The following COX7B2 variants were observed in gnomAD, a reference collection of about 807,000 sequenced individuals.
COX7B2 encodes the protein cytochrome c oxidase subunit 7B2, also known as cytochrome c oxidase subunit 7B2, mitochondrial.
For missense variants in COX7B2, 109 were observed against 95.9 expected (o/e 1.14, Z -0.57); for synonymous variants, 37 against 32.1 (o/e 1.15, Z -0.51).
intron 2 of COX7B2, among the ~76,000 whole-genome samples, chr4:46,818,148 G>C (rs1437961825): frequency 6.6e-6 from 1 of 152,160 alleles, no homozygotes; most frequent in Non-Finnish European, 1.5e-5. Flanking sequence ...TAAAGGAAAA[G>C]ATAATATGTC....
chr4:46,749,684 G>A (rs375968111), intron 2 of COX7B2, among the ~76,000 whole-genome samples: 1 of 152,302 alleles, frequency 6.6e-6, no homozygotes, highest in African/African-American at 2.4e-5. Context: ...ATAAACCAGA[G>A]GGTGTGTTAA....
chr4:46,853,057 T>C (rs1439425480), intron 1 of COX7B2, among the ~76,000 whole-genome samples: 1 of 152,160 alleles, frequency 6.6e-6, no homozygotes, highest in Non-Finnish European at 1.5e-5. Flanking sequence ...GTATTAAATG[T>C]CTTTAACTAG....
Position 46,762,738 on chromosome 4 carries a change from G to A in COX7B2, c.-49-27497C>T, listed in dbSNP as rs556134992. 2.0e-5 allele frequency among the ~76,000 whole-genome samples: 3 copies of A among 146,996 alleles called. No individual in the cohort carries two copies. The South Asian group carries it at 6.3e-4, about 31-fold the overall frequency. On this transcript the variant is annotated intron_variant, in intron 2 of 2. Transcript: ENST00000355591. ...GTACTACTCTTGTTAAATCTATTAT[G>A]AGCCATTTCTGTTTAGACTACAATA... is the stretch of plus-strand genomic sequence containing the variant.
chr4:46,795,043 GTTGT>G (rs1392500468), intron 2 of COX7B2, among the ~76,000 whole-genome samples: 10 of 142,064 alleles, frequency 7.0e-5, no homozygotes, highest in Middle Eastern at 3.7e-3. Flanking sequence ...TTTTGATGGG[GTTGT>G]TTGTTTTTTT....
At chr4:46,764,895 A>G (rs1376779183) in intron 2 of COX7B2, among the ~76,000 whole-genome samples, 2 of 151,920 alleles carry the variant, frequency 1.3e-5, no homozygotes, top group Non-Finnish European at 2.9e-5. Context: ...GCAAGAGAGG[A>G]AAAAAAACAC....
chr4:46,758,450 T>C (rs750790399), intron 2 of COX7B2, among the ~76,000 whole-genome samples: 2 of 152,146 alleles, frequency 1.3e-5, no homozygotes, highest in Non-Finnish European at 2.9e-5. Flanking sequence ...GTACAGACAG[T>C]CTCTGTGTGC....
intron 2 of COX7B2, among the ~76,000 whole-genome samples, chr4:46,827,093 G>A (rs1714747269): frequency 6.6e-6 from 1 of 152,044 alleles, no homozygotes; most frequent in South Asian, 2.1e-4. Flanking sequence ...TAAAGGTTCA[G>A]AGACTTGAGG....
At chr4:46,857,979 T>C (rs188693751) in intron 1 of COX7B2, among the ~76,000 whole-genome samples, 2 of 152,336 alleles carry the variant, frequency 1.3e-5, no homozygotes, top group Admixed American at 6.5e-5. Flanking sequence ...TTTTAACTTA[T>C]CATTTTGTTT....
chr4:46,830,963 G>A (rs929861139), intron 2 of COX7B2, among the ~76,000 whole-genome samples: 8 of 152,192 alleles, frequency 5.3e-5, no homozygotes, highest in African/African-American at 1.7e-4. Context: ...CCTTCAGCCC[G>A]ACACTGCACT....
intron 1 of COX7B2, among the ~76,000 whole-genome samples, chr4:46,885,406 T>C (rs751299884): frequency 7.9e-5 from 12 of 152,160 alleles, no homozygotes; most frequent in Non-Finnish European, 1.5e-4. Context: ...AAATAGCATA[T>C]ACATATATAT....
intron 2 of COX7B2, among the ~76,000 whole-genome samples, chr4:46,746,016 G>A (rs1038831292): frequency 3.3e-5 from 5 of 152,032 alleles, no homozygotes; most frequent in Admixed American, 6.6e-5. Context: ...AAATAGGCCA[G>A]AATTTTCAAA....
chr4:46,840,605 A>C (rs1301854558), intron 2 of COX7B2, among the ~76,000 whole-genome samples: 1 of 152,040 alleles, frequency 6.6e-6, no homozygotes, highest in Non-Finnish European at 1.5e-5. Flanking sequence ...ACCTGACTGA[A>C]GGCATGGGCT....
intron 2 of COX7B2, among the ~76,000 whole-genome samples, chr4:46,749,974 G>A (rs1228269373): frequency 4.6e-5 from 7 of 152,120 alleles, no homozygotes; most frequent in Admixed American, 1.3e-4. Flanking sequence ...TTATTTTAAT[G>A]TAAGGAGTAT....
In COX7B2 at chr4:46,757,470, T is replaced by C. The variant is rs186002198; in HGVS notation, c.-49-22229A>G. On this transcript the variant is annotated intron_variant, in intron 2 of 2. Transcript: ENST00000355591. ...CCCTTAAATTTACTACAATAAGTTA[T>C]TTTTTTAAAAACTCACTTGTCACTT... Among the ~76,000 whole-genome samples the C allele has an allele frequency of 4.0e-5, 6 of 151,042 alleles. No homozygotes were observed. The East Asian group carries it at 7.7e-4, about 19-fold the overall frequency.
intron 1 of COX7B2, among the ~76,000 whole-genome samples, chr4:46,854,136 T>G (rs1190718098): frequency 6.6e-6 from 1 of 152,136 alleles, no homozygotes; most frequent in Non-Finnish European, 1.5e-5. Context: ...AACAAATATA[T>G]TATAATCTAT....
chr4:46,747,783 G>C (rs1002680466), intron 2 of COX7B2, among the ~76,000 whole-genome samples: 1 of 152,070 alleles, frequency 6.6e-6, no homozygotes, highest in African/African-American at 2.4e-5. Flanking sequence ...CATCACATTG[G>C]AATAAAGCTC....
chr4:46,805,239 C>A (rs1169245077), intron 2 of COX7B2, among the ~76,000 whole-genome samples: 1 of 152,234 alleles, frequency 6.6e-6, no homozygotes, highest in Non-Finnish European at 1.5e-5. Context: ...GGGGCTCCTA[C>A]AGTGCAGCTG....
At chr4:46,756,751 C>G (rs935046104) in intron 2 of COX7B2, among the ~76,000 whole-genome samples, 1 of 152,012 alleles carries the variant, frequency 6.6e-6, no homozygotes, top group Non-Finnish European at 1.5e-5. Flanking sequence ...GAGATACTAT[C>G]GTATAGCAGT....
intron 2 of COX7B2, among the ~76,000 whole-genome samples, chr4:46,752,571 T>C (rs1715456512): frequency 6.6e-6 from 1 of 152,150 alleles, no homozygotes; most frequent in Non-Finnish European, 1.5e-5. Context: ...TAAATAGCTC[T>C]TATTATTTTG....
Sources: gnomAD v4.1 joint callset for allele counts (sites outside exome capture counted in the v4.1 genomes callset) on GRCh38, gnomAD v4.1.1 for gene constraint, MANE v1.5 for transcripts, NCBI Gene and HGNC (gene_info 2026-07-23, HGNC 2026-07-21) for gene names.